CRYBG3: variants seen among roughly 807,000 people sequenced by gnomAD.
CRYBG3 encodes very large A-kinase anchor protein.
A neutral mutation model predicts 244.2 loss-of-function variants in CRYBG3; 127 were observed. The ratio of observed to expected loss-of-function variants is 0.52; its 90% CI spans 0.45 to 0.60. The LOEUF is 0.60. Among genes scored for constraint, CRYBG3 ranks in the 20% least tolerant of loss-of-function variants. CRYBG3 has a pLI of 0.00. For missense variants in CRYBG3, 3,325 were observed against 3,442.5 expected (o/e 0.97, Z 0.85); for synonymous variants, 1,132 against 1,195.8 (o/e 0.95, Z 1.10).
intron 17 of CRYBG3, among the ~76,000 whole-genome samples, chr3:97,916,396 A>AAGTAG (rs1368304712): frequency 6.6e-6 from 1 of 152,154 alleles, no homozygotes; most frequent in African/African-American, 2.4e-5. Flanking sequence ...TTTATAGAGT[A>AAGTAG]AGTAGGTTTT....
chr3:97,923,550 C>T (rs1559745325), intron 17 of CRYBG3, among the ~76,000 whole-genome samples: 1 of 151,640 alleles, frequency 6.6e-6, no homozygotes, highest in African/African-American at 2.4e-5. Context: ...CACTACTATT[C>T]GGTATTCTGA....
At chr3:97,884,670 C>T (rs1405606861) in intron 7 of CRYBG3, among the ~76,000 whole-genome samples, 4 of 152,034 alleles carry the variant, frequency 2.6e-5, no homozygotes, top group Non-Finnish European at 5.9e-5. Flanking sequence ...CTTTGTCCAT[C>T]AAGAATTATA....
intron 15 of CRYBG3, among the ~76,000 whole-genome samples, chr3:97,901,680 C>G (rs1198443635): frequency 6.6e-6 from 1 of 152,170 alleles, no homozygotes; most frequent in Non-Finnish European, 1.5e-5. Flanking sequence ...TTATTTCAAA[C>G]TGCACATTTT....
At chr3:97,833,452 T>C (rs944403685) in intron 1 of CRYBG3, among the ~76,000 whole-genome samples, 1 of 152,092 alleles carries the variant, frequency 6.6e-6, no homozygotes, top group African/African-American at 2.4e-5. Flanking sequence ...CTCAGCAAAC[T>C]ATCACAAGAA....
intron 14 of CRYBG3, among the ~76,000 whole-genome samples, chr3:97,899,472 A>T (rs994408757): frequency 6.6e-6 from 1 of 152,100 alleles, no homozygotes; most frequent in Non-Finnish European, 1.5e-5. Context: ...TGATCAGTTC[A>T]TTCACTTAAC....
In CRYBG3 at chr3:97,941,291, A is replaced by G; in HGVS notation, c.8649A>G (p.Gly2883=). Residue 2883 remains glycine, a synonymous_variant, in exon 20 of 22, where the codon GGA becomes GGG. Coordinates refer to ENST00000389622, the MANE Select transcript of CRYBG3 (RefSeq NM_153605.4). ...KNTQIWYYCR[G]LFKSKASDTC... is the part of the protein sequence containing the mutation. ...CTCAGATCTGGTACTACTGCCGAGG[A>G]CTCTTTAAATCCAAGGTAAGCAATC... 6.2e-7 allele frequency: 1 copy of G among 1,608,282 alleles called. No homozygotes were observed. Among genetic ancestry groups the G allele is most frequent in the South Asian group, 1.1e-5 (1 of 90,384 alleles).
At chr3:97,830,545 C>T (rs540053928) in intron 1 of CRYBG3, among the ~76,000 whole-genome samples, 12 of 152,196 alleles carry the variant, frequency 7.9e-5, no homozygotes, top group African/African-American at 2.9e-4. Flanking sequence ...TTTGTCTTTG[C>T]ACTTCTGAAA....
intron 21 of CRYBG3, chr3:97,942,731 GT>G (rs1361869749): frequency 3.7e-6 from 1 of 267,850 alleles, no homozygotes; most frequent in Admixed American, 5.3e-5. Context: ...TGAAATGAAT[GT>G]CATCTGTTTC....
intron 19 of CRYBG3, 117 bp downstream of exon 19, chr3:97,937,025 G>C: frequency 9.0e-7 from 1 of 1,106,832 alleles, no homozygotes; most frequent in East Asian, 2.5e-5. Flanking sequence ...CATAGTAGGG[G>C]GAGTGAATTA....
At position 97,878,034 on chromosome 3, in the gene CRYBG3, A is replaced by G. The variant is rs749612609; in HGVS notation, c.6840A>G (p.Ile2280Met). The change falls in exon 4 of 22, where the codon ATA (isoleucine) becomes ATG (methionine). Residue 2280 changes from isoleucine to methionine, a missense_variant. By Grantham distance (10) the Ile-to-Met change is conservative (BLOSUM62 1). Transcript: ENST00000389622. ...QDSPGRLSPF[I>M]ENVDKQTLRC... ...GCCCAGGCAGATTGAGCCCATTTAT[A>G]GAGGTAAGTTATTTTGTTTATTGTA... 2 of 1,600,792 alleles carry G rather than the reference A, an allele frequency of 1.2e-6. No individual in the cohort carries two copies. Among genetic ancestry groups the G allele is most frequent in the Non-Finnish European group, 1.7e-6 (2 of 1,175,796 alleles).
chr3:97,844,843 A>C (rs1400572455), intron 2 of CRYBG3, among the ~76,000 whole-genome samples: 1 of 152,132 alleles, frequency 6.6e-6, no homozygotes, highest in Non-Finnish European at 1.5e-5. Flanking sequence ...GCCGAGGATA[A>C]TTTCATTTTG....
Position 97,864,221 on chromosome 3 carries a change from G to A in CRYBG3, c.221G>A (p.Arg74His), listed in dbSNP as rs1336871133. 15 of 1,483,120 alleles carry A rather than the reference G, an allele frequency of 1.0e-5. No individual in the cohort carries two copies. Among genetic ancestry groups the A allele is most frequent in the East Asian group, 4.9e-5 (2 of 40,508 alleles). 91.9% of individuals were successfully genotyped at this position (1,483,120 alleles called of 1,614,324 possible). ...TTGTCTATTTTGTTTTCAAAGATTC[G>A]CCAAAGTGAGGACAAAAGGAACCAT... is the stretch of plus-strand genomic sequence containing the variant. ...NVLSSEAVKI[R>H]QSEDKRNHAE... Residue 74 changes from arginine to histidine, a missense_variant, in exon 3 of 22, where the codon CGC becomes CAC. Coordinates refer to ENST00000389622, the MANE Select transcript of CRYBG3 (RefSeq NM_153605.4).
chr3:97,910,066 CAGGGGTCAGGGACCCACTTG>C (rs1195259414), intron 15 of CRYBG3, among the ~76,000 whole-genome samples: 4 of 151,754 alleles, frequency 2.6e-5, no homozygotes. Context: ...GCTCAGGGGT[CAGGGGTCAGGGACCCACTTG>C]AGGAGGCAGT....
chr3:97,907,175 A>G (rs1453007550), intron 15 of CRYBG3, among the ~76,000 whole-genome samples: 5 of 152,146 alleles, frequency 3.3e-5, no homozygotes, highest in Non-Finnish European at 5.9e-5. Flanking sequence ...TTTTTGCATC[A>G]ATGTTCATCA....
Position 97,877,693 on chromosome 3 carries a change from A to T in CRYBG3, c.6499A>T (p.Ser2167Cys). Residue 2167 changes from serine (S) to cysteine (C), a missense_variant, in exon 4 of 22, where the codon AGT becomes TGT. Physicochemically the swap from Ser to Cys is moderately radical, Grantham distance 112. Coordinates refer to ENST00000389622, the MANE Select transcript of CRYBG3 (RefSeq NM_153605.4). Reference sequence around the variant, plus strand: ...GCATAAAGGAGATCTGAGAGCTGGAAGTGGGGAGCGTGTTACCTTCCAGTT... The same window carrying T: ...GCATAAAGGAGATCTGAGAGCTGGATGTGGGGAGCGTGTTACCTTCCAGTT... ...VLHKGDLRAGSGERVTFQLPD... is the reference protein window; with the variant it reads ...VLHKGDLRAGCGERVTFQLPD... 1 of 1,614,098 alleles carries T rather than the reference A, an allele frequency of 6.2e-7. No individual in the cohort carries two copies. The highest frequency in any genetic ancestry group is 8.5e-7 in the Non-Finnish European group (1 of 1,179,994).
chr3:97,829,473 A>G (rs1404952899), intron 1 of CRYBG3, among the ~76,000 whole-genome samples: 2 of 152,314 alleles, frequency 1.3e-5, no homozygotes, highest in African/African-American at 4.8e-5. Context: ...TGATAAATCA[A>G]GGGAGTTGGT....
chr3:97,875,583 A>G lies in CRYBG3; in HGVS notation c.4389A>G (p.Lys1463=). The G allele has an allele frequency of 8.1e-7, 1 of 1,239,130 alleles. No individual in the cohort carries two copies. The highest frequency in any genetic ancestry group is 1.0e-6 in the Non-Finnish European group (1 of 992,908). The allele number at this position is 1,239,130 out of a possible 1,614,324, so 76.8% of individuals were successfully genotyped here. A position where few individuals can be genotyped will look rare whatever the true frequency, so the allele number is the denominator to read the frequency against. The change falls in exon 4 of 22, where the codon AAA becomes AAG. Residue 1463 remains lysine (K), a synonymous_variant. Coordinates refer to ENST00000389622, the MANE Select transcript of CRYBG3 (RefSeq NM_153605.4). ...AAATAGAGAATGTGGATAATAACAA[A>G]ACTGAGACAGAGGACAGAAGAACTC... ...TMEIENVDNN[K]TETEDRRTLV... is the part of the protein sequence containing the mutation.
Position 97,873,277 on chromosome 3 carries a change from T to A in CRYBG3, c.2083T>A (p.Tyr695Asn), listed in dbSNP as rs2039327291. ...GAATGTCAACATTGTTGGTATTTCC[T>A]ATCAGCCTAGGAAGTGTAAAGAAGA... Reference protein sequence around the residue: ...TGNVNIVGISYQPRKCKEENV... With the variant: ...TGNVNIVGISNQPRKCKEENV... The change falls in exon 4 of 22, where the codon TAT becomes AAT. Residue 695 changes from tyrosine (Y) to asparagine (N), a missense_variant. By Grantham distance (143) the Tyr-to-Asn change is moderately radical. Coordinates refer to ENST00000389622, the MANE Select transcript of CRYBG3 (RefSeq NM_153605.4). 1.3e-6 allele frequency: 2 copies of A among 1,535,362 alleles called. No individual in the cohort carries two copies. The highest frequency in any genetic ancestry group is 3.3e-4 in the Middle Eastern group (2 of 5,982).
At chr3:97,886,806 C>T (rs2039513588) in intron 8 of CRYBG3, 39 bp downstream of exon 8, 5 of 1,467,904 alleles carry the variant, frequency 3.4e-6, no homozygotes, top group Non-Finnish European at 4.6e-6. Flanking sequence ...GATTGATGGC[C>T]ACCAATTTCA....
Sources: allele counts gnomAD v4.1 joint callset (sites outside exome capture counted in the v4.1 genomes callset), GRCh38; gene constraint gnomAD v4.1.1; transcripts MANE v1.5; gene names NCBI Gene and HGNC (gene_info 2026-07-23, HGNC 2026-07-21).